The following IFT27 variants were observed in gnomAD, a reference collection of about 807,000 sequenced individuals.
The protein encoded by IFT27 is intraflagellar transport 27, also known as intraflagellar transport protein 27 homolog.
In IFT27, 19 loss-of-function variants were observed where a neutral mutation model predicts 23.9. The observed-to-expected ratio is 0.79, with a 90% CI of 0.55 to 1.16. IFT27 has a LOEUF of 1.16. IFT27 is among the 50% of genes most tolerant of loss of function. IFT27 has a pLI of 0.00. For synonymous variants in IFT27, 91 were observed against 89.1 expected (o/e 1.02, Z -0.12); for missense variants, 206 against 228.7 (o/e 0.90, Z 0.64).
At chr22:36,773,263 G>A (rs1348247750) in intron 1 of IFT27, among the ~76,000 whole-genome samples, 1 of 152,164 alleles carries the variant, frequency 6.6e-6, no homozygotes, top group Non-Finnish European at 1.5e-5. Context: ...GGAGGCTGAG[G>A]CAGGGAATCA....
At position 36,758,546 on chromosome 22, in the gene IFT27, T is replaced by C. The variant is rs1366489672; in HGVS notation, c.463-137A>G. 5 of 650,092 alleles carry C rather than the reference T, an allele frequency of 7.7e-6. No individual in the cohort carries two copies. In the East Asian group the frequency reaches 1.1e-4, roughly 14 times the overall value. 40.3% of individuals were successfully genotyped at this position (650,092 alleles called of 1,614,324 possible). A position where few individuals can be genotyped will look rare whatever the true frequency, so the allele number is the denominator to read the frequency against. ...CTTCACGCCCTTCGAGGTAGCCACTTTCATGGATGCCAGTTTTACAAGAAG... is the reference window on the plus strand; with the variant it reads ...CTTCACGCCCTTCGAGGTAGCCACTCTCATGGATGCCAGTTTTACAAGAAG... On this transcript the variant is annotated intron_variant, in intron 6 of 6. Transcript: ENST00000433985.
In IFT27 at chr22:36,771,808, G is replaced by C. The variant is rs191574089; in HGVS notation, c.34+3866C>G. On this transcript the variant is annotated intron_variant, in intron 1 of 6. Transcript: ENST00000433985. ...CTTCTTTTCTCTTCTTTTTTCTCCC[G>C]GCTGTTATCCACCCAGTGGGTGGCA... 2.8e-3 allele frequency among the ~76,000 whole-genome samples: 419 copies of C among 151,844 alleles called. 1 individual carries two copies. The highest frequency in any genetic ancestry group is 4.2e-3 in the Non-Finnish European group (286 of 67,966).
rs547857096 is a variant in IFT27 at position 36,763,039 on chromosome 22, T to C, written c.353-26A>G. 3.3e-6 allele frequency: 5 copies of C among 1,531,088 alleles called. No individual in the cohort carries two copies. The Admixed American group carries it at 5.3e-5, about 16-fold the overall frequency. 94.8% of individuals were successfully genotyped at this position (1,531,088 alleles called of 1,614,324 possible). ...CTACTCAGAAGAAACAACCAAAATATGGCACTTCACTGTCACACTCTGGAA... is the reference window on the plus strand; with the variant it reads ...CTACTCAGAAGAAACAACCAAAATACGGCACTTCACTGTCACACTCTGGAA... On this transcript the variant is annotated intron_variant, in intron 5 of 6. Transcript: ENST00000433985.
At chr22:36,758,438 T>C (rs1335657732) in intron 6 of IFT27, 29 bp from the exon 7 acceptor site, 17 of 1,580,366 alleles carry the variant, frequency 1.1e-5, no homozygotes, top group Non-Finnish European at 1.5e-5. Flanking sequence ...AAGTTGGCTG[T>C]GTTCTTTTAG....
intron 3 of IFT27, 31 bp from the exon 4 acceptor site, chr22:36,766,228 C>A: frequency 6.3e-7 from 1 of 1,597,496 alleles, no homozygotes; most frequent in Non-Finnish European, 8.6e-7. Flanking sequence ...AAAGTCTCCA[C>A]GTGGAAAAAC....
intron 1 of IFT27, among the ~76,000 whole-genome samples, chr22:36,774,114 T>C (rs1032858009): frequency 1.3e-5 from 2 of 152,222 alleles, no homozygotes; most frequent in African/African-American, 4.8e-5. Flanking sequence ...CAAAATTACT[T>C]TTGTTACACA....
In IFT27 at chr22:36,762,879, C is replaced by T. The variant is rs377454020; in HGVS notation, c.462+25G>A. 1.2e-5 allele frequency: 18 copies of T among 1,492,638 alleles called. No homozygotes were observed. The African/African-American group carries it at 1.4e-4, about 12-fold the overall frequency. 92.5% of individuals were successfully genotyped at this position (1,492,638 alleles called of 1,614,324 possible). On this transcript the variant is annotated intron_variant, in intron 6 of 6. Transcript: ENST00000433985. The stretch of plus-strand genomic sequence containing the variant: ...CAGCAGAGGCCCACTCCAGACTTGG[C>T]GACGAGGCAAGTGGAAATACTCACC...
chr22:36,765,003 T>C (rs1160676326), intron 4 of IFT27, among the ~76,000 whole-genome samples: 1 of 152,178 alleles, frequency 6.6e-6, no homozygotes, highest in East Asian at 1.9e-4. Flanking sequence ...TTCAGATCCT[T>C]GGAAGGCGGG....
intron 3 of IFT27, chr22:36,766,474 G>A: frequency 2.2e-6 from 1 of 452,732 alleles, no homozygotes; most frequent in Admixed American, 3.4e-5. Flanking sequence ...AAAAATACCA[G>A]GAACAAGCTG....
intron 1 of IFT27, among the ~76,000 whole-genome samples, chr22:36,773,337 G>A (rs1938428890): frequency 6.6e-6 from 1 of 150,898 alleles, no homozygotes; most frequent in African/African-American, 2.4e-5. Flanking sequence ...TCCAGCCTGG[G>A]AGACAGAGTG....
chr22:36,759,560 C>G (rs942219062), intron 6 of IFT27: 1 of 152,132 alleles, frequency 6.6e-6, no homozygotes, highest in Non-Finnish European at 1.5e-5. Flanking sequence ...TGCACGTGTG[C>G]ATTCAAAAAC....
At chr22:36,761,776 C>T (rs1222765224) in intron 6 of IFT27, 2 of 152,188 alleles carry the variant, frequency 1.3e-5, no homozygotes, top group African/African-American at 4.8e-5. Context: ...CTGTACTTTC[C>T]CTAAGGAAGC....
chr22:36,765,987 G>T, intron 4 of IFT27, 151 bp downstream of exon 4: 1 of 715,128 alleles, frequency 1.4e-6, no homozygotes, highest in Non-Finnish European at 2.5e-6. Context: ...GTATCCATGA[G>T]TCCTGGGCTG....
chr22:36,763,659 G>C (rs1409524350), intron 5 of IFT27: 5 of 558,414 alleles, frequency 9.0e-6, no homozygotes, highest in Admixed American at 8.8e-5. Flanking sequence ...TGATATTACA[G>C]CACCCTCCCG....
chr22:36,770,306 G>A (rs530939609), intron 1 of IFT27, among the ~76,000 whole-genome samples: 26 of 152,172 alleles, frequency 1.7e-4, no homozygotes, highest in South Asian at 8.3e-4. Flanking sequence ...CTTCCTTCCC[G>A]AGTCCTGTCC....
intron 1 of IFT27, among the ~76,000 whole-genome samples, chr22:36,770,951 G>C (rs781013098): frequency 1.1e-4 from 16 of 152,314 alleles, no homozygotes; most frequent in Non-Finnish European, 1.6e-4. Context: ...GGAGTCGGGG[G>C]AGAGGACACT....
intron 6 of IFT27, 182 bp downstream of exon 6, chr22:36,762,722 G>A (rs80250911): frequency 4.5e-5 from 19 of 420,952 alleles, no homozygotes; most frequent in African/African-American, 3.5e-4. Flanking sequence ...CTGCTTTCCT[G>A]TTATGTCTGA....
chr22:36,766,926 T>C (rs983725087), intron 3 of IFT27: 3 of 96,500 alleles, frequency 3.1e-5, no homozygotes, highest in African/African-American at 1.0e-4. Context: ...GAAGTACTTA[T>C]ACTTTTTTTT....
At chr22:36,765,052 A>G (rs535414217) in intron 4 of IFT27, among the ~76,000 whole-genome samples, 1 of 152,278 alleles carries the variant, frequency 6.6e-6, no homozygotes, top group Admixed American at 6.5e-5. Flanking sequence ...TCACCCTACA[A>G]GGCTGTGCTG....
Sources: allele counts gnomAD v4.1 joint callset (sites outside exome capture counted in the v4.1 genomes callset), GRCh38; gene constraint gnomAD v4.1.1; transcripts MANE v1.5; gene names NCBI Gene and HGNC (gene_info 2026-07-23, HGNC 2026-07-21).